The following PCDH7 variants were observed in gnomAD, a reference collection of about 807,000 sequenced individuals.
PCDH7 encodes the protein protocadherin-7.
PCDH7 carries 17 observed loss-of-function variants against 58.9 expected under a neutral mutation model. The ratio of observed to expected loss-of-function variants is 0.29; its 90% CI spans 0.20 to 0.43. PCDH7 has a LOEUF of 0.43. Ranked by LOEUF, PCDH7 falls within the 20% of genes least tolerant of loss-of-function variation. The pLI is 1.00. For synonymous variants in PCDH7, 664 were observed against 616.4 expected (o/e 1.08, Z -1.14); for missense variants, 1,274 against 1,441.0 (o/e 0.88, Z 1.88).
chr4:30,750,823 C>A (rs1718415253), intron 1 of PCDH7, among the ~76,000 whole-genome samples: 1 of 151,852 alleles, frequency 6.6e-6, no homozygotes, highest in Non-Finnish European at 1.5e-5. Context: ...GTCATATGAA[C>A]AAACTATTAT....
intron 1 of PCDH7, among the ~76,000 whole-genome samples, chr4:30,890,778 A>G (rs1418397183): frequency 6.6e-6 from 1 of 152,128 alleles, no homozygotes; most frequent in Admixed American, 6.6e-5. Flanking sequence ...TATTATTTCT[A>G]AGGGTATATT....
chr4:30,744,952 G>C (rs1433756984), intron 1 of PCDH7, among the ~76,000 whole-genome samples: 1 of 152,096 alleles, frequency 6.6e-6, no homozygotes, highest in Non-Finnish European at 1.5e-5. Context: ...TGTTCACCCT[G>C]AATTCTTCAC....
chr4:31,065,910 A>T (rs1172738594), intron 3 of PCDH7, among the ~76,000 whole-genome samples: 1 of 151,882 alleles, frequency 6.6e-6, no homozygotes, highest in African/African-American at 2.4e-5. Flanking sequence ...CACTGCGAAA[A>T]ATTGAGTTAT....
intron 2 of PCDH7, chr4:30,935,361 C>A: frequency 1.0e-6 from 1 of 979,766 alleles, no homozygotes; most frequent in Non-Finnish European, 1.2e-6. Flanking sequence ...AGTTTCTTGG[C>A]ACCTTTTGAA....
At chr4:31,136,404 C>A (rs1159885163) in intron 3 of PCDH7, among the ~76,000 whole-genome samples, 1 of 152,184 alleles carries the variant, frequency 6.6e-6, no homozygotes, top group Non-Finnish European at 1.5e-5. Context: ...TCACACTGAG[C>A]AATACTGGGA....
At chr4:31,131,845 A>C (rs540384279) in intron 3 of PCDH7, among the ~76,000 whole-genome samples, 2 of 152,320 alleles carry the variant, frequency 1.3e-5, no homozygotes, top group East Asian at 1.9e-4. Context: ...ATAGTTTCTC[A>C]TGATGACTAC....
In PCDH7 at chr4:30,723,123, C is replaced by A; in HGVS notation, c.1701C>A (p.Asn567Lys). The A allele has an allele frequency of 6.2e-7, 1 of 1,614,016 alleles. No homozygotes were observed. Among genetic ancestry groups the A allele is most frequent in the Middle Eastern group, 1.6e-4 (1 of 6,062 alleles). Residue 567 changes from asparagine to lysine, a missense_variant, in exon 1 of 2, where the codon AAC (asparagine) becomes AAA (lysine). This residue lies in a region of PCDH7 where 731 missense variants were observed against 881.9 expected (regional missense o/e 0.83). Transcript: ENST00000361762. This position sits in a 1 kb window ranked among gnomAD's most constrained non-coding sequence, Gnocchi z 4.6. ...CGACAGACGCAGACAGCGGTAAGAA[C>A]GCCGAGATCGCCTACTCGCTGGACT...
chr4:30,770,849 T>TA (rs947107043), intron 1 of PCDH7, among the ~76,000 whole-genome samples: 1 of 152,278 alleles, frequency 6.6e-6, no homozygotes, highest in Non-Finnish European at 1.5e-5. Context: ...ATTTGTCTTT[T>TA]AAAAAAACAA....
intron 3 of PCDH7, among the ~76,000 whole-genome samples, chr4:31,092,058 T>G (rs866605807): frequency 2.6e-5 from 4 of 151,990 alleles, no homozygotes; most frequent in Non-Finnish European, 5.9e-5. Context: ...TATTTTACAT[T>G]TTGAGAAATT....
At chr4:30,919,425 T>A (rs7656047) in intron 1 of PCDH7, among the ~76,000 whole-genome samples, 2 of 152,178 alleles carry the variant, frequency 1.3e-5, no homozygotes. Context: ...TAAAATTTTT[T>A]AAAAACAAAT....
intron 1 of PCDH7, among the ~76,000 whole-genome samples, chr4:30,838,142 T>A (rs1023713929): frequency 1.3e-5 from 2 of 151,868 alleles, no homozygotes; most frequent in African/African-American, 2.4e-5. Context: ...GTCCTTAAAA[T>A]CTTAGGGAAT....
intron 1 of PCDH7, among the ~76,000 whole-genome samples, chr4:30,768,212 T>C (rs1361140516): frequency 1.3e-5 from 2 of 151,888 alleles, no homozygotes; most frequent in African/African-American, 2.4e-5. Context: ...CAGTTGTATC[T>C]TATTTGATCT....
At chr4:30,920,424 T>C in intron 2 of PCDH7, 55 bp downstream of exon 2, 9 of 1,267,094 alleles carry the variant, frequency 7.1e-6, no homozygotes, top group Non-Finnish European at 9.6e-6. Context: ...CCGTAATAAG[T>C]AGACTCGCGA....
chr4:30,814,227 G>A (rs1454483591), intron 1 of PCDH7, among the ~76,000 whole-genome samples: 1 of 151,828 alleles, frequency 6.6e-6, no homozygotes, highest in Non-Finnish European at 1.5e-5. Context: ...GTATATATAT[G>A]TGTATATACA....
At chr4:30,887,934 G>T (rs1738049567) in intron 1 of PCDH7, among the ~76,000 whole-genome samples, 1 of 150,988 alleles carries the variant, frequency 6.6e-6, no homozygotes, top group African/African-American at 2.4e-5. Context: ...GGAGTGCAGT[G>T]GTGCTATCTC....
At chr4:31,082,952 C>CA (rs1326417432) in intron 3 of PCDH7, among the ~76,000 whole-genome samples, 3 of 151,916 alleles carry the variant, frequency 2.0e-5, no homozygotes, top group African/African-American at 7.3e-5. Flanking sequence ...ACTAAAAATA[C>CA]AAAAAATTAG....
intron 1 of PCDH7, among the ~76,000 whole-genome samples, chr4:30,888,196 A>G (rs11732590): frequency 0.17 from 26,095 of 152,064 alleles, 2,321 homozygotes; most frequent in African/African-American, 0.21. Context: ...TTTAAAATGG[A>G]TTTGTGTAAT....
intron 3 of PCDH7, among the ~76,000 whole-genome samples, chr4:31,114,047 T>A (rs1716685279): frequency 6.6e-6 from 1 of 152,082 alleles, no homozygotes; most frequent in African/African-American, 2.4e-5. Context: ...TTGGCCAGGC[T>A]GGTCTTGAAA....
chr4:31,133,877 T>C (rs1388949131), intron 3 of PCDH7, among the ~76,000 whole-genome samples: 2 of 152,206 alleles, frequency 1.3e-5, no homozygotes, highest in Non-Finnish European at 2.9e-5. Flanking sequence ...TTGAGATACA[T>C]TCAATTGCTG....
Sources: gnomAD v4.1 joint callset for allele counts (sites outside exome capture counted in the v4.1 genomes callset) on GRCh38, gnomAD v4.1.1 for gene constraint, gnomAD v4.1.1 regional missense constraint, Gnocchi (gnomAD v3.1) non-coding constraint, MANE v1.5 for transcripts, NCBI Gene and HGNC (gene_info 2026-07-23, HGNC 2026-07-21) for gene names.